The following GBP6 variants were observed in gnomAD, a reference collection of about 807,000 sequenced individuals.
The protein encoded by GBP6 is guanylate binding protein family member 6.
Under a neutral mutation model 61.5 loss-of-function variants are expected in GBP6, and 54 were observed. The observed-to-expected ratio is 0.88, with a 90% CI of 0.71 to 1.10. The LOEUF is 1.10. Among genes scored for constraint, GBP6 ranks in the 50% least tolerant of loss-of-function variants. The pLI is 0.00. For synonymous variants in GBP6, 255 were observed against 273.7 expected, an observed-to-expected ratio of 0.93 and a Z score of 0.67; for missense variants, 748 against 752.8, an observed-to-expected ratio of 0.99 and a Z score of 0.07.
Position 89,368,577 on chromosome 1 carries a change from C to T in GBP6, c.26C>T (p.Ala9Val). The change falls in exon 2 of 11, where the codon GCC becomes GTC. Residue 9 changes from alanine (A) to valine (V), a missense_variant. Physicochemically the swap from Ala to Val is moderately conservative, Grantham distance 64. Transcript: ENST00000370456. ...ATGGAATCTGGACCCAAAATGTTGG[C>T]CCCCGTTTGCCTGGTGGAAAATAAC... is the stretch of plus-strand genomic sequence containing the variant. MESGPKML[A>V]PVCLVENNNE... The T allele has an allele frequency of 1.9e-6, 3 of 1,613,798 alleles. No individual in the cohort carries two copies. The highest frequency in any genetic ancestry group is 2.5e-6 in the Non-Finnish European group (3 of 1,179,770).
intron 3 of GBP6, among the ~76,000 whole-genome samples, chr1:89,376,099 A>G (rs1652801952): frequency 1.3e-5 from 2 of 152,082 alleles, no homozygotes; most frequent in South Asian, 4.1e-4. Context: ...CATCCTCTAG[A>G]TTCCTCCAGG....
intron 3 of GBP6, among the ~76,000 whole-genome samples, chr1:89,372,814 G>A (rs1315121829): frequency 6.6e-6 from 1 of 152,104 alleles, no homozygotes; most frequent in Admixed American, 6.5e-5. Context: ...ATTGACAAAT[G>A]GGATCTAATT....
chr1:89,382,483 C>T (rs971217347), intron 7 of GBP6, among the ~76,000 whole-genome samples, 181 bp from the exon 8 acceptor site: 2 of 152,156 alleles, frequency 1.3e-5, no homozygotes, highest in Non-Finnish European at 2.9e-5. Flanking sequence ...TTTTCCATAG[C>T]CTTGAAGAGA....
intron 8 of GBP6, 131 bp from the exon 9 acceptor site, chr1:89,383,521 C>G (rs559091101): frequency 1.5e-6 from 1 of 655,708 alleles, no homozygotes; most frequent in African/African-American, 1.8e-5. Context: ...AGAGCCCGCA[C>G]ACTTTGTAGG....
intron 4 of GBP6, 75 bp downstream of exon 4, chr1:89,378,287 C>T (rs1570467638): frequency 6.5e-7 from 1 of 1,537,358 alleles, no homozygotes; most frequent in Non-Finnish European, 8.9e-7. Flanking sequence ...TCATTTCCTC[C>T]TTCCCTTTGA....
At chr1:89,367,659 G>A (rs758269584) in intron 1 of GBP6, among the ~76,000 whole-genome samples, 4 of 152,140 alleles carry the variant, frequency 2.6e-5, no homozygotes, top group Non-Finnish European at 4.4e-5. Context: ...TTATGATGAA[G>A]TGTGGTGTAT....
intron 6 of GBP6, 81 bp downstream of exon 6, chr1:89,380,712 G>T (rs1652954336): frequency 1.5e-6 from 2 of 1,375,872 alleles, no homozygotes; most frequent in South Asian, 1.4e-5. Context: ...ATTTTTGTTA[G>T]ATTCCATATA....
chr1:89,373,093 T>A (rs1219503750), intron 3 of GBP6, among the ~76,000 whole-genome samples: 1 of 152,096 alleles, frequency 6.6e-6, no homozygotes, highest in Non-Finnish European at 1.5e-5. Flanking sequence ...ATCAGAGAAA[T>A]GCAAATCAAA....
rs759645927 is a variant in GBP6 at position 89,381,668 on chromosome 1, G to T, written c.872-26G>T. ...CCACTGAGCTTTAATTTCATATTTAGCCCCTAAATCTCCTGGTTCATTTAG... is the reference window on the plus strand; with the variant it reads ...CCACTGAGCTTTAATTTCATATTTATCCCCTAAATCTCCTGGTTCATTTAG... On this transcript the variant is annotated intron_variant, in intron 6 of 10. Transcript: ENST00000370456. The T allele has an allele frequency of 1.1e-5, 17 of 1,571,816 alleles. 1 individual carries two copies. In the South Asian group the frequency reaches 2.0e-4, roughly 18 times the overall value.
chr1:89,370,279 G>A (rs1652590746), intron 3 of GBP6, among the ~76,000 whole-genome samples: 1 of 152,194 alleles, frequency 6.6e-6, no homozygotes, highest in South Asian at 2.1e-4. Context: ...TGATAAGAAA[G>A]AGAAGAGGTA....
At chr1:89,365,899 A>C (rs1365214111) in intron 1 of GBP6, among the ~76,000 whole-genome samples, 1 of 152,184 alleles carries the variant, frequency 6.6e-6, no homozygotes, top group Non-Finnish European at 1.5e-5. Context: ...ATCAATTCTA[A>C]ACTGAGTATT....
At position 89,384,203 on chromosome 1, in the gene GBP6, A is replaced by C. The variant is rs1367596572; in HGVS notation, c.1579A>C (p.Ile527Leu). 1 of 1,614,098 alleles carries C rather than the reference A, an allele frequency of 6.2e-7. No individual in the cohort carries two copies. Among genetic ancestry groups the C allele is most frequent in the Admixed American group, 1.7e-5 (1 of 60,016 alleles). ...TCAAGATAAGAGTCGCAAGGAAAACATAGCCCAACTGAAGGAGAAGCTGCA... is the reference window on the plus strand; with the variant it reads ...TCAAGATAAGAGTCGCAAGGAAAACCTAGCCCAACTGAAGGAGAAGCTGCA... ...EAQDKSRKEN[I>L]AQLKEKLQME... is the part of the protein sequence containing the mutation. Residue 527 changes from isoleucine to leucine, a missense_variant, in exon 10 of 11, where the codon ATA (isoleucine) becomes CTA (leucine). Transcript: ENST00000370456.
chr1:89,383,875 T>A, intron 9 of GBP6, 121 bp downstream of exon 9: 1 of 889,734 alleles, frequency 1.1e-6, no homozygotes, highest in Non-Finnish European at 1.7e-6. Context: ...CACACTCTGC[T>A]AAATCTTAAA....
Position 89,387,657 on chromosome 1 carries a change from G to A in GBP6, c.*2188G>A, listed in dbSNP as rs1173009703. Among the ~76,000 whole-genome samples, 1 of 152,226 alleles carries A rather than the reference G, an allele frequency of 6.6e-6. No homozygotes were observed. Among genetic ancestry groups the A allele is most frequent in the Admixed American group, 6.5e-5 (1 of 15,278 alleles). Reference sequence around the variant, plus strand: ...GGTGGTTTAAAGGCTATGAGGCCAGGTGCAGTGGCTCACGCCTATAATCTC... The same window carrying A: ...GGTGGTTTAAAGGCTATGAGGCCAGATGCAGTGGCTCACGCCTATAATCTC... On this transcript the variant is annotated 3_prime_UTR_variant, in exon 11 of 11. Coordinates refer to ENST00000370456, the MANE Select transcript of GBP6 (RefSeq NM_198460.3).
rs758304452 is a variant in GBP6 at position 89,380,460 on chromosome 1, T to A, written c.700T>A (p.Phe234Ile). 1 of 1,614,050 alleles carries A rather than the reference T, an allele frequency of 6.2e-7. No homozygotes were observed. Among genetic ancestry groups the A allele is most frequent in the African/African-American group, 1.3e-5 (1 of 74,924 alleles). ...IRRFFPKRKCFVFDRPTNDKD... is the reference protein window; with the variant it reads ...IRRFFPKRKCIVFDRPTNDKD... ...GCGTTTCTTTCCAAAACGGAAGTGT[T>A]TCGTCTTTGACCGGCCAACAAATGA... The change falls in exon 6 of 11, where the codon TTC (phenylalanine) becomes ATC (isoleucine). Residue 234 changes from phenylalanine to isoleucine, a missense_variant. By Grantham distance (21) the Phe-to-Ile change is conservative. Coordinates refer to ENST00000370456, the MANE Select transcript of GBP6 (RefSeq NM_198460.3).
intron 1 of GBP6, among the ~76,000 whole-genome samples, chr1:89,367,494 A>G (rs1270916014): frequency 6.6e-6 from 1 of 152,052 alleles, no homozygotes; most frequent in East Asian, 1.9e-4. Flanking sequence ...TACTCTATCC[A>G]TTTTTGAATT....
intron 5 of GBP6, among the ~76,000 whole-genome samples, chr1:89,380,065 G>A (rs553225077): frequency 6.6e-6 from 1 of 152,294 alleles, no homozygotes; most frequent in East Asian, 1.9e-4. Context: ...TTGAGCCTAG[G>A]AAATCAAGGA....
chr1:89,380,315 T>A, intron 5 of GBP6, 71 bp from the exon 6 acceptor site: 1 of 1,421,704 alleles, frequency 7.0e-7, no homozygotes. Context: ...ATACACCCTA[T>A]CAAAAATACC....
rs1176414554 is a variant in GBP6 at position 89,386,391 on chromosome 1, A to G, written c.*922A>G. The G allele has an allele frequency of 6.6e-6, 1 of 152,206 alleles. No homozygotes were observed. Among genetic ancestry groups the G allele is most frequent in the Non-Finnish European group, 1.5e-5 (1 of 68,036 alleles). The allele number at this position is 152,206 out of a possible 1,614,324, so 9.4% of individuals were successfully genotyped here. On this transcript the variant is annotated 3_prime_UTR_variant, in exon 11 of 11. Coordinates refer to ENST00000370456, the MANE Select transcript of GBP6 (RefSeq NM_198460.3). ...AAGAAATCTTATTTTACCGATTCAGAAATAAATAAGAAAATGTAAGAGACA... is the reference window on the plus strand; with the variant it reads ...AAGAAATCTTATTTTACCGATTCAGGAATAAATAAGAAAATGTAAGAGACA...
Sources: gnomAD v4.1 joint callset for allele counts (sites outside exome capture counted in the v4.1 genomes callset) on GRCh38, gnomAD v4.1.1 for gene constraint, MANE v1.5 for transcripts, NCBI Gene and HGNC (gene_info 2026-07-23, HGNC 2026-07-21) for gene names.